RUSC2: variants seen among roughly 807,000 people sequenced by gnomAD.
RUSC2 encodes AP-4 complex accessory subunit RUSC2.
In RUSC2, 34 loss-of-function variants were observed where a neutral mutation model predicts 122.2. The observed-to-expected ratio is 0.28, with a 90% CI of 0.21 to 0.37. The LOEUF (loss-of-function observed/expected upper bound fraction) is 0.37. RUSC2 is among the 10% of genes least tolerant of loss of function. RUSC2 has a pLI of 1.00. For synonymous variants in RUSC2, 784 were observed against 790.0 expected, an observed-to-expected ratio of 0.99 and a Z score of 0.13; for missense variants, 1,747 against 1,952.4, an observed-to-expected ratio of 0.89 and a Z score of 1.98.
At chr9:35,496,091 G>A (rs1402102366) in intron 1 of RUSC2, among the ~76,000 whole-genome samples, 3 of 152,108 alleles carry the variant, frequency 2.0e-5, no homozygotes, top group Non-Finnish European at 2.9e-5. Flanking sequence ...AGAAACTCTC[G>A]AGTCAGTGGT....
At chr9:35,500,199 A>G (rs1382082986) in intron 1 of RUSC2, among the ~76,000 whole-genome samples, 1 of 152,186 alleles carries the variant, frequency 6.6e-6, no homozygotes, top group Non-Finnish European at 1.5e-5. Flanking sequence ...AGACTGGGCA[A>G]TTTACAAAAG....
chr9:35,545,743 A>AGT (rs1821731011), intron 1 of RUSC2, among the ~76,000 whole-genome samples: 1 of 152,184 alleles, frequency 6.6e-6, no homozygotes, highest in Non-Finnish European at 1.5e-5. Flanking sequence ...GGTTGACATC[A>AGT]GTCATACTTG....
intron 2 of RUSC2, among the ~76,000 whole-genome samples, chr9:35,553,770 G>A (rs1237542903): frequency 6.6e-6 from 1 of 152,190 alleles, no homozygotes; most frequent in Non-Finnish European, 1.5e-5. Flanking sequence ...TATAGCAGGA[G>A]GGTGGAGCTT....
At chr9:35,517,753 A>G (rs1286343640) in intron 1 of RUSC2, among the ~76,000 whole-genome samples, 1 of 152,204 alleles carries the variant, frequency 6.6e-6, no homozygotes, top group Non-Finnish European at 1.5e-5. Context: ...CTGTGACCCT[A>G]GAAGAGGGAG....
At chr9:35,531,875 A>T (rs537171420) in intron 1 of RUSC2, among the ~76,000 whole-genome samples, 1 of 152,218 alleles carries the variant, frequency 6.6e-6, no homozygotes, top group South Asian at 2.1e-4. Context: ...AATACAAAAA[A>T]ATTAGCCAGG....
rs749786862 is a variant in RUSC2 at position 35,560,621 on chromosome 9, C to A, written c.3981C>A (p.Ala1327=). ...AGGGAGTAGTGGAGGGGGCTGAGGC[C>A]TGCCCTGCCTCTGAGGAGGCCCTGG... ...PREGVVEGAE[A]CPASEEALGR... The change falls in exon 10 of 12, where the codon GCC becomes GCA. Residue 1327 remains alanine, a synonymous_variant. Coordinates refer to ENST00000361226, the MANE Select transcript of RUSC2 (RefSeq NM_014806.5). 1 of 1,607,884 alleles carries A rather than the reference C, an allele frequency of 6.2e-7. No homozygotes were observed. The highest frequency in any genetic ancestry group is 8.5e-7 in the Non-Finnish European group (1 of 1,177,280).
chr9:35,523,512 A>G (rs1315549722), intron 1 of RUSC2, among the ~76,000 whole-genome samples: 1 of 152,102 alleles, frequency 6.6e-6, no homozygotes. Flanking sequence ...GGTCTTCACA[A>G]TGAAAAAAAA....
chr9:35,545,130 G>T (rs1409380684), intron 1 of RUSC2, among the ~76,000 whole-genome samples: 1 of 152,184 alleles, frequency 6.6e-6, no homozygotes, highest in East Asian at 1.9e-4. Flanking sequence ...TTGAGCATAT[G>T]TGACTTGCCT....
chr9:35,499,239 A>G (rs1306017351), intron 1 of RUSC2, among the ~76,000 whole-genome samples: 2 of 152,156 alleles, frequency 1.3e-5, no homozygotes, highest in Admixed American at 1.3e-4. Flanking sequence ...GTGAGTTGAG[A>G]TTGTGTCACT....
intron 1 of RUSC2, among the ~76,000 whole-genome samples, chr9:35,503,955 A>G (rs1390531166): frequency 6.6e-6 from 1 of 152,026 alleles, no homozygotes; most frequent in African/African-American, 2.4e-5. Flanking sequence ...TTGTGTTTTT[A>G]GTAGAGACAG....
At chr9:35,533,520 ATTGTT>A (rs1334276986) in intron 1 of RUSC2, among the ~76,000 whole-genome samples, 10 of 152,208 alleles carry the variant, frequency 6.6e-5, no homozygotes, top group African/African-American at 2.4e-4. Flanking sequence ...ATACAATTCA[ATTGTT>A]TTAGTATATT....
Position 35,555,361 on chromosome 9 carries a change from T to C in RUSC2, c.2316T>C (p.Ser772=). Residue 772 remains serine, a synonymous_variant, in exon 3 of 12, where the codon TCT becomes TCC. Transcript: ENST00000361226. The surrounding 1 kb of genome is among the most constrained non-coding windows in gnomAD (Gnocchi z 4.6). ...ARKAGSEPET[S]RPSPLGSYSP... is the part of the protein sequence containing the mutation. ...AAGCTGGGTCTGAGCCAGAGACCTC[T>C]CGGCCATCGCCCCTGGGCAGCTACT... 1 of 1,614,228 alleles carries C rather than the reference T, an allele frequency of 6.2e-7. No homozygotes were observed. The highest frequency in any genetic ancestry group is 8.5e-7 in the Non-Finnish European group (1 of 1,180,036).
intron 2 of RUSC2, among the ~76,000 whole-genome samples, chr9:35,554,261 C>T (rs747983000): frequency 3.4e-4 from 51 of 152,174 alleles, no homozygotes; most frequent in Admixed American, 5.9e-4. Context: ...GGACATTGAC[C>T]TGAAGACTGC....
At chr9:35,556,907 G>C (rs1211945418) in intron 5 of RUSC2, among the ~76,000 whole-genome samples, 1 of 152,226 alleles carries the variant, frequency 6.6e-6, no homozygotes, top group Non-Finnish European at 1.5e-5. Flanking sequence ...GGAGGAAGCT[G>C]TGTGCTGTGT....
intron 1 of RUSC2, among the ~76,000 whole-genome samples, chr9:35,493,899 A>G (rs771557271): frequency 2.0e-5 from 3 of 152,134 alleles, no homozygotes; most frequent in Non-Finnish European, 4.4e-5. Flanking sequence ...GGTTGCATCT[A>G]TCTTTTGGCT....
Position 35,558,809 on chromosome 9 carries a change from G to A in RUSC2, c.3341+242G>A, listed in dbSNP as rs1184267440. On this transcript the variant is annotated intron_variant, in intron 8 of 11. Coordinates refer to ENST00000361226, the MANE Select transcript of RUSC2 (RefSeq NM_014806.5). The surrounding 1 kb of genome is among the most constrained non-coding windows in gnomAD (Gnocchi z 4.3). ...AATCTGGCTTATTTGGAAATTAGTT[G>A]GGTTTCTTAATTTCTCTGGACCTTG... is the stretch of plus-strand genomic sequence containing the variant. 1.3e-5 allele frequency among the ~76,000 whole-genome samples: 2 copies of A among 152,198 alleles called. No individual in the cohort carries two copies. Among genetic ancestry groups the A allele is most frequent in the Admixed American group, 6.5e-5 (1 of 15,284 alleles).
chr9:35,490,675 C>T (rs1458633171), intron 1 of RUSC2, among the ~76,000 whole-genome samples: 2 of 152,196 alleles, frequency 1.3e-5, no homozygotes, highest in African/African-American at 4.8e-5. Context: ...TAGCCCCTGC[C>T]TCCCTTTATT....
intron 1 of RUSC2, among the ~76,000 whole-genome samples, chr9:35,523,621 C>G (rs1821260906): frequency 6.6e-6 from 1 of 151,822 alleles, no homozygotes; most frequent in African/African-American, 2.4e-5. Flanking sequence ...TTGAGACCAG[C>G]CTGGGCAACA....
At chr9:35,504,855 A>G (rs1236816232) in intron 1 of RUSC2, among the ~76,000 whole-genome samples, 1 of 152,226 alleles carries the variant, frequency 6.6e-6, no homozygotes, top group Non-Finnish European at 1.5e-5. Context: ...TTAAAATCAT[A>G]GAAGCAAAAA....
Sources: gnomAD v4.1 joint callset for allele counts (sites outside exome capture counted in the v4.1 genomes callset) on GRCh38, gnomAD v4.1.1 for gene constraint, Gnocchi (gnomAD v3.1) non-coding constraint, MANE v1.5 for transcripts, NCBI Gene and HGNC (gene_info 2026-07-23, HGNC 2026-07-21) for gene names.